Variants in KIF2A observed in about 807,000 individuals in gnomAD.
KIF2A encodes kinesin-like protein KIF2A.
In KIF2A, 22 loss-of-function variants were observed where a neutral mutation model predicts 100.2. The observed-to-expected ratio is 0.22, with a 90% CI of 0.16 to 0.31. The LOEUF is 0.31. Ranked by LOEUF, KIF2A falls within the 10% of genes least tolerant of loss-of-function variation. KIF2A has a pLI of 1.00. For missense variants in KIF2A, 495 were observed against 898.7 expected (o/e 0.55, Z 5.74); for synonymous variants, 268 against 285.9 (o/e 0.94, Z 0.63).
intron 1 of KIF2A, among the ~76,000 whole-genome samples, chr5:62,324,472 G>T (rs183386560): frequency 5.9e-5 from 9 of 152,278 alleles, no homozygotes; most frequent in Admixed American, 1.3e-4. Flanking sequence ...CTGCAAAGCT[G>T]CAGTAACCAA....
At chr5:62,350,933 A>T (rs1747821797) in intron 4 of KIF2A, among the ~76,000 whole-genome samples, 1 of 151,270 alleles carries the variant, frequency 6.6e-6, no homozygotes. Context: ...AAAGATTTTT[A>T]AAATGTATGG....
intron 1 of KIF2A, among the ~76,000 whole-genome samples, chr5:62,333,960 C>G (rs1746785254): frequency 6.6e-6 from 1 of 152,156 alleles, no homozygotes; most frequent in South Asian, 2.1e-4. Flanking sequence ...TCCTAGGTGA[C>G]AAGCATTTGC....
chr5:62,386,744 C>T lies in KIF2A; in HGVS notation c.*1175C>T, dbSNP rs572701703. ...AACTTCATTGTTGTTTGGTGAGAATCGCCAAATTCTCACTAATACATTGGT... is the reference window on the plus strand; with the variant it reads ...AACTTCATTGTTGTTTGGTGAGAATTGCCAAATTCTCACTAATACATTGGT... On this transcript the variant is annotated 3_prime_UTR_variant, in exon 21 of 21. Coordinates refer to ENST00000407818, the MANE Select transcript of KIF2A (RefSeq NM_001098511.3). Among the ~76,000 whole-genome samples the T allele has an allele frequency of 1.4e-4, 21 of 152,298 alleles. No individual in the cohort carries two copies. The East Asian group carries it at 3.1e-3, about 22-fold the overall frequency.
chr5:62,381,290 T>C, intron 20 of KIF2A, 37 bp downstream of exon 20: 2 of 1,574,590 alleles, frequency 1.3e-6, no homozygotes, highest in Non-Finnish European at 1.7e-6. Context: ...GAAATCTGAT[T>C]GGTATTGGTA....
intron 20 of KIF2A, among the ~76,000 whole-genome samples, 198 bp from the exon 21 acceptor site, chr5:62,385,286 T>A (rs988193589): frequency 6.6e-6 from 1 of 152,228 alleles, no homozygotes; most frequent in Non-Finnish European, 1.5e-5. Context: ...CAGGTATTTC[T>A]GGAAATCTGT....
chr5:62,391,019 T>C lies in KIF2A; in HGVS notation c.*5450T>C, dbSNP rs771157668. 2.0e-5 allele frequency: 31 copies of C among 1,556,930 alleles called. No homozygotes were observed. The highest frequency in any genetic ancestry group is 2.7e-5 in the Non-Finnish European group (31 of 1,128,402). ...AGATTCAGAATAAATGAACGACATA[T>C]CTTTAATGAGGTCACCTTGACTCTT... On this transcript the variant is annotated 3_prime_UTR_variant, in exon 21 of 21. Coordinates refer to ENST00000407818, the MANE Select transcript of KIF2A (RefSeq NM_001098511.3).
At chr5:62,373,914 T>C in intron 18 of KIF2A, 77 bp downstream of exon 18, 3 of 1,176,784 alleles carry the variant, frequency 2.5e-6, no homozygotes, top group African/African-American at 1.5e-5. Flanking sequence ...AAACTATCAT[T>C]TAAATGAGGT....
chr5:62,324,808 T>G (rs1315025055), intron 1 of KIF2A, among the ~76,000 whole-genome samples: 5 of 151,618 alleles, frequency 3.3e-5, no homozygotes, highest in Non-Finnish European at 7.4e-5. Context: ...TATCAAAGAA[T>G]GTATGACCAA....
At position 62,373,677 on chromosome 5, in the gene KIF2A, G is replaced by T; in HGVS notation, c.1761-10G>T. ...GTTTTTAACTTTAGATACCTCTTAT[G>T]TATTTATAGGGTCAAAGAATTGACT... On this transcript the variant is annotated splice_polypyrimidine_tract_variant and intron_variant, in intron 17 of 20. Coordinates refer to ENST00000407818, the MANE Select transcript of KIF2A (RefSeq NM_001098511.3). 6.2e-7 allele frequency: 1 copy of T among 1,609,150 alleles called. No homozygotes were observed. The highest frequency in any genetic ancestry group is 8.5e-7 in the Non-Finnish European group (1 of 1,176,078).
chr5:62,358,389 T>A, intron 9 of KIF2A, 90 bp downstream of exon 9: 1 of 821,326 alleles, frequency 1.2e-6, no homozygotes, highest in Non-Finnish European at 1.9e-6. Flanking sequence ...GGATATTTCT[T>A]AAGAGGTGCA....
chr5:62,353,676 A>T (rs1747963662), intron 6 of KIF2A, among the ~76,000 whole-genome samples: 1 of 152,156 alleles, frequency 6.6e-6, no homozygotes, highest in South Asian at 2.1e-4. Context: ...AAGAATTTTT[A>T]TTTTAAAAAG....
chr5:62,341,015 A>G (rs1206951802), intron 1 of KIF2A, among the ~76,000 whole-genome samples: 6 of 151,736 alleles, frequency 4.0e-5, no homozygotes, highest in African/African-American at 9.7e-5. Context: ...AGATGGTTCT[A>G]GTTATCTGAT....
At chr5:62,332,382 C>T (rs1746699604) in intron 1 of KIF2A, among the ~76,000 whole-genome samples, 1 of 151,980 alleles carries the variant, frequency 6.6e-6, no homozygotes, top group Non-Finnish European at 1.5e-5. Context: ...AATCATGTAT[C>T]TTGATATTTA....
intron 3 of KIF2A, among the ~76,000 whole-genome samples, chr5:62,348,770 T>A (rs2111911979): frequency 6.6e-6 from 1 of 152,346 alleles, no homozygotes; most frequent in South Asian, 2.1e-4. Flanking sequence ...CAACTCTTTT[T>A]AAAACAGGTA....
At position 62,389,612 on chromosome 5, in the gene KIF2A, T is replaced by G. The variant is rs556952054; in HGVS notation, c.*4043T>G. ...GTCGTAATGAATTTGACTAAAATTA[T>G]CTTAGACTTTCATTATCCCAGGCCT... On this transcript the variant is annotated 3_prime_UTR_variant, in exon 21 of 21. Transcript: ENST00000407818. Among the ~76,000 whole-genome samples, 17 of 152,186 alleles carry G rather than the reference T, an allele frequency of 1.1e-4. No individual in the cohort carries two copies. Among genetic ancestry groups the G allele is most frequent in the Admixed American group, 9.2e-4 (14 of 15,270 alleles).
chr5:62,306,578 G>T (rs1219112164), intron 1 of KIF2A, 42 bp downstream of exon 1: 1 of 1,507,568 alleles, frequency 6.6e-7, no homozygotes, highest in Non-Finnish European at 9.0e-7. Flanking sequence ...TCGGCCCCGT[G>T]TTCGGGTGTG....
At position 62,372,528 on chromosome 5, in the gene KIF2A, C is replaced by A. The variant is rs200042213; in HGVS notation, c.1737C>A (p.Asp579Glu). The part of the protein sequence containing the change: ...RPDLSPSYEY[D>E]DFSPSVTRVK... ...ATCTCTCTCCTTCTTATGAATATGA[C>A]GACTTTTCTCCTTCAGTTACCAGGT... The change falls in exon 17 of 21, where the codon GAC (aspartate) becomes GAA (glutamate). Residue 579 changes from aspartate (D) to glutamate (E), a missense_variant. Physicochemically the swap from Asp to Glu is conservative, Grantham distance 45 (BLOSUM62 2). Around this residue, in one of 10 missense-constraint regions of KIF2A, gnomAD observed 100 missense variants for 138.2 expected, o/e 0.72. Coordinates refer to ENST00000407818, the MANE Select transcript of KIF2A (RefSeq NM_001098511.3). The A allele has an allele frequency of 6.2e-7, 1 of 1,604,254 alleles. No individual in the cohort carries two copies. Among genetic ancestry groups the A allele is most frequent in the Non-Finnish European group, 8.5e-7 (1 of 1,171,520 alleles).
In KIF2A at chr5:62,390,875, C is replaced by A; in HGVS notation, c.*5306C>A. 1 of 1,610,606 alleles carries A rather than the reference C, an allele frequency of 6.2e-7. No individual in the cohort carries two copies. Among genetic ancestry groups the A allele is most frequent in the Non-Finnish European group, 8.5e-7 (1 of 1,178,636 alleles). On this transcript the variant is annotated 3_prime_UTR_variant, in exon 21 of 21. Transcript: ENST00000407818. ...ACTTAGGAAAACAAAAATGTAATTA[C>A]CTGATGAAGTCATCTATGTCCATGG...
rs1357001626 is a variant in KIF2A at position 62,391,013 on chromosome 5, G to A, written c.*5444G>A. On this transcript the variant is annotated 3_prime_UTR_variant, in exon 21 of 21. Transcript: ENST00000407818. ...AATATAAGATTCAGAATAAATGAAC[G>A]ACATATCTTTAATGAGGTCACCTTG... 10 of 1,578,544 alleles carry A rather than the reference G, an allele frequency of 6.3e-6. No individual in the cohort carries two copies. Among genetic ancestry groups the A allele is most frequent in the Non-Finnish European group, 8.7e-6 (10 of 1,148,050 alleles).
Sources: allele counts gnomAD v4.1 joint callset (sites outside exome capture counted in the v4.1 genomes callset), GRCh38; gene constraint gnomAD v4.1.1; regional missense constraint gnomAD v4.1.1; transcripts MANE v1.5; gene names NCBI Gene and HGNC (gene_info 2026-07-23, HGNC 2026-07-21).